The following RNF220 variants were observed in gnomAD, a reference collection of about 807,000 sequenced individuals.
RNF220 encodes the protein ring finger protein 220.
In RNF220, 7 loss-of-function variants were observed where a neutral mutation model predicts 67.1. The ratio of observed to expected loss-of-function variants is 0.10; its 90% confidence interval spans 0.06 to 0.20. RNF220 has a LOEUF of 0.20. Ranked by LOEUF, RNF220 falls within the 10% of genes least tolerant of loss-of-function variation. RNF220 has a pLI of 1.00. For missense variants in RNF220, 565 were observed against 740.3 expected (o/e 0.76, Z 2.75); for synonymous variants, 270 against 283.2 (o/e 0.95, Z 0.47).
At position 44,475,886 on chromosome 1, in the gene RNF220, C is replaced by T. The variant is rs143514025; in HGVS notation, c.625+63164C>T. Reference sequence around the variant, plus strand: ...AATTGGCTGGGTGTGTTGGCGCACACCTGTAGTCCCAGCTACTCAGGAGGC... The same window carrying T: ...AATTGGCTGGGTGTGTTGGCGCACATCTGTAGTCCCAGCTACTCAGGAGGC... On this transcript the variant is annotated intron_variant, in intron 2 of 14. Coordinates refer to ENST00000361799, the MANE Select transcript of RNF220 (RefSeq NM_018150.4). Among the ~76,000 whole-genome samples the T allele has an allele frequency of 4.1e-3, 615 of 151,076 alleles. 10 individuals are homozygous for T. In the South Asian group the frequency reaches 0.041, roughly 10 times the overall value.
chr1:44,607,315 T>A (rs891447251), intron 2 of RNF220, among the ~76,000 whole-genome samples: 1 of 151,978 alleles, frequency 6.6e-6, no homozygotes, highest in African/African-American at 2.4e-5. Context: ...ATTGTATGTT[T>A]AAAAAAAATA....
chr1:44,638,074 T>G (rs1023289150), intron 8 of RNF220, among the ~76,000 whole-genome samples: 2 of 152,248 alleles, frequency 1.3e-5, no homozygotes, highest in East Asian at 3.9e-4. Context: ...AGGCCCTGGC[T>G]GATCCCTACT....
chr1:44,614,020 G>A (rs561698880), intron 2 of RNF220, 145 bp from the exon 3 acceptor site: 126 of 969,382 alleles, frequency 1.3e-4, no homozygotes, highest in Admixed American at 7.3e-4. Flanking sequence ...AGGGGTGCTC[G>A]TGGGCTCTGA....
At chr1:44,428,657 C>T (rs1343853465) in intron 2 of RNF220, among the ~76,000 whole-genome samples, 1 of 152,142 alleles carries the variant, frequency 6.6e-6, no homozygotes, top group Non-Finnish European at 1.5e-5. Flanking sequence ...CCCAAACTGG[C>T]CTCCCTCTTT....
intron 2 of RNF220, among the ~76,000 whole-genome samples, chr1:44,426,828 C>T (rs757595755): frequency 8.5e-5 from 13 of 152,048 alleles, no homozygotes; most frequent in Non-Finnish European, 1.5e-4. Context: ...GATTCATTAA[C>T]AAGATCTTAA....
In RNF220 at chr1:44,412,134, T is replaced by G; in HGVS notation, c.37T>G (p.Ser13Ala). ...LHRAAFKMENSSYLPNPLASP... is the reference protein window; with the variant it reads ...LHRAAFKMENASYLPNPLASP... ...CCGGGCAGCCTTCAAGATGGAGAACTCATCCTACCTTCCCAACCCTCTGGC... is the reference window on the plus strand; with the variant it reads ...CCGGGCAGCCTTCAAGATGGAGAACGCATCCTACCTTCCCAACCCTCTGGC... Residue 13 changes from serine to alanine, a missense_variant, in exon 2 of 15, where the codon TCA becomes GCA. Physicochemically the swap from Ser to Ala is moderately conservative, Grantham distance 99. Coordinates refer to ENST00000361799, the MANE Select transcript of RNF220 (RefSeq NM_018150.4). This position sits in a 1 kb window ranked among gnomAD's most constrained non-coding sequence, Gnocchi z 5.3. The G allele has an allele frequency of 6.2e-6, 10 of 1,613,654 alleles. No homozygotes were observed. The highest frequency in any genetic ancestry group is 8.5e-6 in the Non-Finnish European group (10 of 1,179,680).
At chr1:44,434,382 C>G (rs1650726254) in intron 2 of RNF220, among the ~76,000 whole-genome samples, 1 of 152,138 alleles carries the variant, frequency 6.6e-6, no homozygotes, top group South Asian at 2.1e-4. Context: ...GTGTTTTAAA[C>G]ATAAATCACC....
chr1:44,582,611 G>T (rs1406121396), intron 2 of RNF220, among the ~76,000 whole-genome samples: 3 of 150,806 alleles, frequency 2.0e-5, no homozygotes, highest in East Asian at 2.0e-4. Context: ...ACAAAAATTA[G>T]CTGGGCGTGG....
At chr1:44,522,669 C>T (rs1474556600) in intron 2 of RNF220, among the ~76,000 whole-genome samples, 2 of 152,028 alleles carry the variant, frequency 1.3e-5, no homozygotes, top group Non-Finnish European at 2.9e-5. Context: ...GGCGGGGGGA[C>T]CTTCTGTGCT....
chr1:44,578,637 G>A (rs554603774), intron 2 of RNF220, among the ~76,000 whole-genome samples: 28 of 152,230 alleles, frequency 1.8e-4, no homozygotes, highest in Admixed American at 7.9e-4. Context: ...GTCAGGTAGC[G>A]GTAGATCCAC....
intron 2 of RNF220, among the ~76,000 whole-genome samples, chr1:44,597,523 A>C (rs1415417990): frequency 4.0e-5 from 4 of 100,016 alleles, no homozygotes; most frequent in African/African-American, 7.9e-5. Context: ...AACCTCCCTC[A>C]CCTCCCTCTC....
intron 8 of RNF220, chr1:44,636,604 T>C (rs367668087): frequency 1.6e-6 from 1 of 611,624 alleles, no homozygotes; most frequent in East Asian, 2.8e-5. Flanking sequence ...TTCCTCCTCC[T>C]CCTCTTCAGC....
intron 2 of RNF220, among the ~76,000 whole-genome samples, chr1:44,581,222 C>A (rs1558062755): frequency 6.6e-6 from 1 of 152,246 alleles, no homozygotes; most frequent in South Asian, 2.1e-4. Flanking sequence ...GATTTTAATA[C>A]CCATGGCACA....
At position 44,597,734 on chromosome 1, in the gene RNF220, CCTCT is replaced by C. The variant is rs1208352374; in HGVS notation, c.626-16427_626-16424del. ...AGCCTCTCACATGCACATATTCACC[CCTCT>C]CTCAGCCACACTTTTTTATTTCTCC... On this transcript the variant is annotated intron_variant, in intron 2 of 14. Coordinates refer to ENST00000361799, the MANE Select transcript of RNF220 (RefSeq NM_018150.4). Among the ~76,000 whole-genome samples the C allele has an allele frequency of 1.1e-4, 17 of 152,096 alleles. No homozygotes were observed. The South Asian group carries it at 2.3e-3, about 20-fold the overall frequency.
intron 1 of RNF220, among the ~76,000 whole-genome samples, chr1:44,406,407 A>AC: frequency 6.6e-6 from 1 of 152,032 alleles, no homozygotes; most frequent in East Asian, 1.9e-4. Flanking sequence ...CGGGGTCGGG[A>AC]CCCCCTCTCC....
chr1:44,529,465 C>T (rs1192260537), intron 2 of RNF220, among the ~76,000 whole-genome samples: 1 of 152,112 alleles, frequency 6.6e-6, no homozygotes, highest in Non-Finnish European at 1.5e-5. Flanking sequence ...GCCTCCACCT[C>T]CCAGGTTCCA....
At chr1:44,411,892 G>A (rs1648003813) in intron 1 of RNF220, 89 bp from the exon 2 acceptor site, 2 of 565,740 alleles carry the variant, frequency 3.5e-6, no homozygotes, top group South Asian at 5.0e-5. Flanking sequence ...TGAGCCAGAA[G>A]GATGGTGTTT....
chr1:44,528,561 A>G (rs569860492), intron 2 of RNF220, among the ~76,000 whole-genome samples: 24 of 151,700 alleles, frequency 1.6e-4, no homozygotes, highest in Middle Eastern at 3.5e-3. Flanking sequence ...CGGCCTCCCA[A>G]AGTGCTGGGA....
intron 2 of RNF220, among the ~76,000 whole-genome samples, chr1:44,473,137 GC>G: frequency 6.6e-6 from 1 of 152,106 alleles, no homozygotes; most frequent in Non-Finnish European, 1.5e-5. Flanking sequence ...TGTTCTGGAG[GC>G]CCCTTCCTTC....
Sources: gnomAD v4.1 joint callset for allele counts (sites outside exome capture counted in the v4.1 genomes callset) on GRCh38, gnomAD v4.1.1 for gene constraint, Gnocchi (gnomAD v3.1) non-coding constraint, MANE v1.5 for transcripts, NCBI Gene and HGNC (gene_info 2026-07-23, HGNC 2026-07-21) for gene names.